GPHN: variants seen among roughly 807,000 people sequenced by gnomAD.
The protein encoded by GPHN is gephyrin.
Under a neutral mutation model 95.5 loss-of-function variants are expected in GPHN, and 17 were observed. The observed-to-expected ratio is 0.18, with a 90% CI of 0.12 to 0.27. GPHN has a LOEUF of 0.27. GPHN is among the 10% of genes least tolerant of loss of function. GPHN has a pLI of 1.00. For missense variants in GPHN, 660 were observed against 978.1 expected, an observed-to-expected ratio of 0.67 and a Z score of 4.34; for synonymous variants, 320 against 322.5, an observed-to-expected ratio of 0.99 and a Z score of 0.08.
chr14:66,659,261 C>G (rs1279912234), intron 1 of GPHN, among the ~76,000 whole-genome samples: 1 of 151,536 alleles, frequency 6.6e-6, no homozygotes, highest in Non-Finnish European at 1.5e-5. Flanking sequence ...CAAATCTGTG[C>G]CTTGTCTGGT....
intron 2 of GPHN, among the ~76,000 whole-genome samples, chr14:66,693,649 C>T (rs1332649741): frequency 6.6e-6 from 1 of 152,124 alleles, no homozygotes; most frequent in Non-Finnish European, 1.5e-5. Flanking sequence ...GGTCTGCCCA[C>T]ATTGAGGGCA....
intron 1 of GPHN, among the ~76,000 whole-genome samples, chr14:66,579,410 A>G (rs895289407): frequency 6.6e-6 from 1 of 151,694 alleles, no homozygotes; most frequent in Non-Finnish European, 1.5e-5. Flanking sequence ...GATACAGAGC[A>G]GCTGAATGGA....
chr14:67,219,255 C>T, the GPHN span, among the ~76,000 whole-genome samples: 14 of 152,166 alleles, frequency 9.2e-5, no homozygotes, highest in Non-Finnish European at 1.2e-4. Flanking sequence ...GCAATGGGGG[C>T]TGGTGGGGCT....
At chr14:67,202,155 T>C in the GPHN span, among the ~76,000 whole-genome samples, 1 of 152,044 alleles carries the variant, frequency 6.6e-6, no homozygotes, top group African/African-American at 2.4e-5. Flanking sequence ...AAAATTAAAT[T>C]ATAGGCCAGG....
intron 2 of GPHN, among the ~76,000 whole-genome samples, chr14:66,701,903 G>T (rs146307224): frequency 1.3e-5 from 2 of 152,098 alleles, no homozygotes; most frequent in Non-Finnish European, 2.9e-5. Context: ...CTCCCTGGGC[G>T]GGGGAAGGGT....
chr14:67,254,838 A>G, the GPHN span, among the ~76,000 whole-genome samples: 2 of 152,216 alleles, frequency 1.3e-5, no homozygotes, highest in Non-Finnish European at 2.9e-5. Context: ...AGTAAGCTGT[A>G]AATCACTTGA....
At chr14:66,853,583 A>G (rs1596152636) in intron 4 of GPHN, among the ~76,000 whole-genome samples, 1 of 152,136 alleles carries the variant, frequency 6.6e-6, no homozygotes, top group South Asian at 2.1e-4. Context: ...CATTTATAAA[A>G]CCATCAGATC....
At chr14:67,555,466 G>A in the GPHN span, among the ~76,000 whole-genome samples, 1 of 152,182 alleles carries the variant, frequency 6.6e-6, no homozygotes, top group Non-Finnish European at 1.5e-5. Context: ...CCAATGCTGA[G>A]AGGAAAGGGG....
chr14:66,811,675 C>G (rs1407420370), intron 3 of GPHN, among the ~76,000 whole-genome samples: 3 of 152,102 alleles, frequency 2.0e-5, no homozygotes, highest in Non-Finnish European at 2.9e-5. Flanking sequence ...AAATCTCTTA[C>G]ATATAGTCAT....
chr14:67,108,229 T>C (rs1443642758), intron 13 of GPHN, among the ~76,000 whole-genome samples: 1 of 152,170 alleles, frequency 6.6e-6, no homozygotes, highest in Non-Finnish European at 1.5e-5. Context: ...CAACAGCAGC[T>C]CTTGCTCTCA....
chr14:67,139,923 T>G (rs1454097406), intron 17 of GPHN, among the ~76,000 whole-genome samples: 1 of 152,026 alleles, frequency 6.6e-6, no homozygotes, highest in Non-Finnish European at 1.5e-5. Context: ...ACCCACAGAG[T>G]ACAAAGTATC....
intron 4 of GPHN, among the ~76,000 whole-genome samples, chr14:66,845,878 C>T (rs1043575716): frequency 2.7e-5 from 4 of 150,146 alleles, no homozygotes; most frequent in East Asian, 1.9e-4. Flanking sequence ...CGTGCGCACA[C>T]GTGAACGTGT....
intron 11 of GPHN, among the ~76,000 whole-genome samples, chr14:67,070,618 C>A (rs189358950): frequency 0.015 from 2,193 of 145,360 alleles, 25 homozygotes; most frequent in Non-Finnish European, 0.018. Context: ...ATTGTTTGAA[C>A]CCGGGAGGTG....
the GPHN span, among the ~76,000 whole-genome samples, chr14:67,358,654 C>T: frequency 6.6e-6 from 1 of 152,152 alleles, no homozygotes; most frequent in Non-Finnish European, 1.5e-5. Context: ...GAGCTCTGAT[C>T]ATACCACTGC....
At chr14:66,643,291 A>G (rs1416454619) in intron 1 of GPHN, among the ~76,000 whole-genome samples, 3 of 152,092 alleles carry the variant, frequency 2.0e-5, no homozygotes, top group Admixed American at 2.0e-4. Context: ...TGGATATCTG[A>G]TACACAAATT....
the GPHN span, among the ~76,000 whole-genome samples, chr14:67,667,154 A>C: frequency 6.6e-6 from 1 of 152,220 alleles, no homozygotes; most frequent in African/African-American, 2.4e-5. Flanking sequence ...AAATGGAAAC[A>C]GACAGCTCTG....
At chr14:67,008,539 A>T (rs1044594386) in intron 9 of GPHN, among the ~76,000 whole-genome samples, 3 of 139,354 alleles carry the variant, frequency 2.2e-5, no homozygotes, top group African/African-American at 7.5e-5. Context: ...TTTTTTTAAA[A>T]TTTATTTATT....
chr14:66,778,430 TTAGA>T (rs1482276327), intron 3 of GPHN, among the ~76,000 whole-genome samples: 1 of 152,174 alleles, frequency 6.6e-6, no homozygotes. Flanking sequence ...TCTTTAAAAA[TTAGA>T]GCATTATGAC....
chr14:66,590,084 A>G (rs1414325344), intron 1 of GPHN, among the ~76,000 whole-genome samples: 1 of 152,180 alleles, frequency 6.6e-6, no homozygotes, highest in Non-Finnish European at 1.5e-5. Context: ...CTACTGGGTA[A>G]ATAACAAAAT....
Sources: gnomAD v4.1 joint callset for allele counts (sites outside exome capture counted in the v4.1 genomes callset) on GRCh38, gnomAD v4.1.1 for gene constraint, MANE v1.5 for transcripts, NCBI Gene and HGNC (gene_info 2026-07-23, HGNC 2026-07-21) for gene names.